RPSA2: variants seen among roughly 807,000 people sequenced by gnomAD.
RPSA2 encodes small ribosomal subunit protein uS2B.
At chr19:23,809,348 A>T in the RPSA2 span, 1 of 152,240 alleles carries the variant, frequency 6.6e-6, no homozygotes, top group South Asian at 2.1e-4. Context: ...TGGCTATTCA[A>T]AGTTTATTGT....
chr19:23,804,382 C>T, the RPSA2 span, among the ~76,000 whole-genome samples: 1,663 of 150,876 alleles, frequency 0.011, 34 homozygotes, highest in African/African-American at 0.038. Context: ...CTGCAAGCTC[C>T]GCCTCCTGGG....
the RPSA2 span, among the ~76,000 whole-genome samples, chr19:23,778,466 G>A: frequency 1.3e-5 from 2 of 152,068 alleles, no homozygotes; most frequent in Admixed American, 6.6e-5. Flanking sequence ...TGCCCACTTC[G>A]GCCCCCCAGA....
the RPSA2 span, among the ~76,000 whole-genome samples, chr19:23,856,588 T>A: frequency 2.0e-5 from 3 of 152,174 alleles, no homozygotes; most frequent in African/African-American, 7.2e-5. Context: ...GGTTCCCACA[T>A]GCACTTAGGA....
chr19:23,869,138 C>T, the RPSA2 span, among the ~76,000 whole-genome samples: 2 of 152,184 alleles, frequency 1.3e-5, no homozygotes, highest in Non-Finnish European at 2.9e-5. Context: ...AGTGACACTC[C>T]TCCTGAGATC....
the RPSA2 span, among the ~76,000 whole-genome samples, chr19:23,791,272 T>C: frequency 3.3e-5 from 5 of 152,132 alleles, no homozygotes; most frequent in Admixed American, 6.6e-5. Context: ...AGTGCTGGGA[T>C]TACAGGCATG....
the RPSA2 span, among the ~76,000 whole-genome samples, chr19:23,830,540 G>A: frequency 2.0e-5 from 3 of 151,474 alleles, no homozygotes; most frequent in Non-Finnish European, 4.4e-5. Context: ...ATATCTTTCT[G>A]TGATACTAGT....
At chr19:23,864,974 C>T in the RPSA2 span, among the ~76,000 whole-genome samples, 18 of 152,164 alleles carry the variant, frequency 1.2e-4, no homozygotes, top group African/African-American at 2.4e-5. Flanking sequence ...GCCCTCTGAC[C>T]TATTCTTCCA....
At chr19:23,827,899 A>T in the RPSA2 span, 1 of 932,900 alleles carries the variant, frequency 1.1e-6, no homozygotes, top group South Asian at 1.4e-5. Context: ...CTGAGGTTGC[A>T]GACTGGTCTG....
chr19:23,868,817 G>A, the RPSA2 span, among the ~76,000 whole-genome samples: 1 of 152,156 alleles, frequency 6.6e-6, no homozygotes, highest in African/African-American at 2.4e-5. Context: ...AAGACTGGAG[G>A]AACCCATGGT....
chr19:23,836,966 T>C, the RPSA2 span, among the ~76,000 whole-genome samples: 5 of 152,328 alleles, frequency 3.3e-5, no homozygotes, highest in Non-Finnish European at 7.4e-5. Context: ...CCTTTTGCCA[T>C]GCCAAAGCTT....
chr19:23,861,101 C>A, the RPSA2 span, among the ~76,000 whole-genome samples: 1 of 152,208 alleles, frequency 6.6e-6, no homozygotes, highest in Non-Finnish European at 1.5e-5. Flanking sequence ...GTAATCAAGT[C>A]AATTCAACTG....
chr19:23,862,353 A>G, the RPSA2 span, among the ~76,000 whole-genome samples: 1 of 151,286 alleles, frequency 6.6e-6, no homozygotes, highest in Non-Finnish European at 1.5e-5. Flanking sequence ...TCTTTTCCTA[A>G]TTGAATACCC....
the RPSA2 span, among the ~76,000 whole-genome samples, chr19:23,771,648 G>A: frequency 2.0e-5 from 3 of 151,902 alleles, no homozygotes; most frequent in Non-Finnish European, 4.4e-5. Context: ...TTGTCCTAGT[G>A]CTTTTCACAG....
the RPSA2 span, among the ~76,000 whole-genome samples, chr19:23,849,547 G>A: frequency 2.6e-5 from 4 of 152,160 alleles, no homozygotes; most frequent in African/African-American, 4.8e-5. Flanking sequence ...CCAAAGTTCT[G>A]GGTGTTCTGG....
At chr19:23,846,548 C>A in the RPSA2 span, among the ~76,000 whole-genome samples, 1 of 152,042 alleles carries the variant, frequency 6.6e-6, no homozygotes, top group Non-Finnish European at 1.5e-5. Flanking sequence ...TTTGTAGGCC[C>A]AGTCTATTGG....
At chr19:23,854,525 T>C in the RPSA2 span, among the ~76,000 whole-genome samples, 1 of 152,168 alleles carries the variant, frequency 6.6e-6, no homozygotes, top group Admixed American at 6.5e-5. Context: ...TATTGGGGCC[T>C]GGGACTGGCC....
the RPSA2 span, chr19:23,817,487 G>A: frequency 1.3e-5 from 2 of 152,150 alleles, no homozygotes; most frequent in Non-Finnish European, 2.9e-5. Context: ...AGGGTTTTAT[G>A]CATCATTATT....
At chr19:23,818,695 G>A in the RPSA2 span, 1 of 152,138 alleles carries the variant, frequency 6.6e-6, no homozygotes, top group Admixed American at 6.5e-5. Context: ...CATGTGGCTG[G>A]GCCATAGTAT....
chr19:23,827,999 C>A, the RPSA2 span: 2 of 805,690 alleles, frequency 2.5e-6, no homozygotes, highest in Non-Finnish European at 4.1e-6. Context: ...GTCTGCAGCT[C>A]CCACTGCTCA....
Sources: allele counts gnomAD v4.1 joint callset (sites outside exome capture counted in the v4.1 genomes callset), GRCh38; gene constraint gnomAD v4.1.1; transcripts MANE v1.5; gene names NCBI Gene and HGNC (gene_info 2026-07-23, HGNC 2026-07-21).